The following CSF1R variants were observed in gnomAD, a reference collection of about 807,000 sequenced individuals.
CSF1R encodes the protein macrophage colony-stimulating factor 1 receptor.
CSF1R carries 40 observed loss-of-function variants against 110.0 expected under a neutral mutation model. That is an observed-to-expected ratio of 0.36 (90% CI 0.28 to 0.47). The LOEUF is 0.47. CSF1R is among the 20% of genes least tolerant of loss of function. The pLI, the probability that CSF1R is intolerant of heterozygous loss-of-function variation, is 0.99. For synonymous variants in CSF1R, 523 were observed against 503.4 expected (o/e 1.04, Z -0.52); for missense variants, 1,052 against 1,253.0 (o/e 0.84, Z 2.42).
At chr5:150,107,230 T>C (rs1051506732) in intron 1 of CSF1R, among the ~76,000 whole-genome samples, 1 of 152,264 alleles carries the variant, frequency 6.6e-6, no homozygotes, top group Non-Finnish European at 1.5e-5. Flanking sequence ...CTTTCCTGCA[T>C]GCAGGGACCT....
chr5:150,108,753 G>C (rs1159583813), intron 1 of CSF1R, among the ~76,000 whole-genome samples: 1 of 152,198 alleles, frequency 6.6e-6, no homozygotes, highest in Non-Finnish European at 1.5e-5. Context: ...TCTGCAAAGG[G>C]GAGCTGGGCA....
intron 6 of CSF1R, among the ~76,000 whole-genome samples, chr5:150,071,715 C>T (rs1360784546): frequency 6.6e-6 from 1 of 152,126 alleles, no homozygotes; most frequent in Non-Finnish European, 1.5e-5. Context: ...TGTTCCTTTC[C>T]TCAATGTCTC....
chr5:150,105,361 A>ATAT (rs35307075), intron 1 of CSF1R, among the ~76,000 whole-genome samples: 17 of 96,444 alleles, frequency 1.8e-4, no homozygotes, highest in East Asian at 1.6e-3. Flanking sequence ...AAAAAAAAAA[A>ATAT]AAATATATAT....
Position 150,080,990 on chromosome 5 carries a change from A to C in CSF1R, c.84T>G (p.Pro28=). 6 of 1,613,442 alleles carry C rather than the reference A, an allele frequency of 3.7e-6. No individual in the cohort carries two copies. Among genetic ancestry groups the C allele is most frequent in the Non-Finnish European group, 4.2e-6 (5 of 1,179,586 alleles). The change falls in exon 2 of 21, where the codon CCT becomes CCG. Residue 28 remains proline, a synonymous_variant. Transcript: ENST00000675795. ...QGIPVIEPSV[P]ELVVKPGATV... The stretch of plus-strand genomic sequence containing the variant: ...TTGCTCCTGGCTTCACGACCAGCTC[A>C]GGGACACTGGGCTCTATCACTGGGA...
intron 14 of CSF1R, 64 bp from the exon 15 acceptor site, chr5:150,057,656 C>G: frequency 8.2e-7 from 1 of 1,223,958 alleles, no homozygotes; most frequent in Non-Finnish European, 1.2e-6. Context: ...TCAGCTCAGG[C>G]CTTGACCACC....
chr5:150,068,309 T>A lies in CSF1R; in HGVS notation c.1532A>T (p.Asp511Val). The change falls in exon 10 of 21, where the codon GAT becomes GTT. Residue 511 changes from aspartate (D) to valine (V), a missense_variant. Asp to Val is a radical substitution (Grantham distance 152, BLOSUM62 -3). Around this residue, in one of 5 missense-constraint regions of CSF1R, gnomAD observed 693 missense variants for 735.4 expected, o/e 0.94. Transcript: ENST00000675795. ...CACCACTGGTGTGAAGAGGAACTCA[T>A]CCGGGGGATGCGTGTGGGCTCCTGG... is the stretch of plus-strand genomic sequence containing the variant. ...ISAGAHTHPP[D>V]EFLFTPVVVA... The A allele has an allele frequency of 6.2e-7, 1 of 1,612,820 alleles. No homozygotes were observed. The highest frequency in any genetic ancestry group is 8.5e-7 in the Non-Finnish European group (1 of 1,179,800).
At chr5:150,061,436 C>T in intron 12 of CSF1R, 55 bp downstream of exon 12, 1 of 938,716 alleles carries the variant, frequency 1.1e-6, no homozygotes. Context: ...AGGGCCAGCC[C>T]ACCCCCAGCA....
chr5:150,094,452 T>C, intron 1 of CSF1R: 1 of 1,597,996 alleles, frequency 6.3e-7, no homozygotes, highest in South Asian at 1.1e-5. Context: ...GAAGCTTATC[T>C]ATGAAAAAGC....
At chr5:150,063,412 G>A (rs910462339) in intron 10 of CSF1R, among the ~76,000 whole-genome samples, 3 of 151,864 alleles carry the variant, frequency 2.0e-5, no homozygotes, top group African/African-American at 7.3e-5. Context: ...GCAGTGGCAC[G>A]ATCATAGCTC....
rs567838800 is a variant in CSF1R, at chr5:150,079,105, G to A, written c.593-857C>T. On this transcript the variant is annotated intron_variant, in intron 3 of 20. Transcript: ENST00000675795. ...CTAATCCAGATTCCTAAGGCCCAGG[G>A]ACATGAAAGGACTCACCCAAGGTCC... is the stretch of plus-strand genomic sequence containing the variant. Among the ~76,000 whole-genome samples, 10 of 152,358 alleles carry A rather than the reference G, an allele frequency of 6.6e-5. No individual in the cohort carries two copies. In the South Asian group the frequency reaches 2.1e-3, roughly 32 times the overall value.
intron 12 of CSF1R, 116 bp downstream of exon 12, chr5:150,061,375 G>T: frequency 1.1e-6 from 1 of 905,142 alleles, no homozygotes; most frequent in Non-Finnish European, 1.7e-6. Flanking sequence ...CCTGAGCTCT[G>T]TCCCCCAGGC....
chr5:150,063,346 G>A (rs752037322), intron 10 of CSF1R, among the ~76,000 whole-genome samples: 10 of 151,762 alleles, frequency 6.6e-5, no homozygotes, highest in African/African-American at 9.7e-5. Flanking sequence ...CAGGTGAGTC[G>A]CCATCTGACT....
chr5:150,087,793 G>A (rs1016643329), upstream of CSF1R, among the ~76,000 whole-genome samples: 1 of 151,614 alleles, frequency 6.6e-6, no homozygotes, highest in Non-Finnish European at 1.5e-5. Flanking sequence ...GAGTGCAGTA[G>A]TGTGATCTCG....
chr5:150,054,665 C>A, intron 19 of CSF1R: 1 of 501,748 alleles, frequency 2.0e-6, no homozygotes, highest in South Asian at 3.3e-5. Flanking sequence ...TTGGTATCCT[C>A]AGGGTAACTG....
intron 4 of CSF1R, 133 bp from the exon 5 acceptor site, chr5:150,077,568 G>A (rs1758323588): frequency 5.3e-6 from 5 of 939,856 alleles, no homozygotes; most frequent in Non-Finnish European, 8.2e-6. Context: ...GTAAAATGGG[G>A]CTAATACTGG....
At chr5:150,081,670 A>G (rs1159704677) in intron 1 of CSF1R, among the ~76,000 whole-genome samples, 1 of 152,170 alleles carries the variant, frequency 6.6e-6, no homozygotes, top group Admixed American at 6.5e-5. Flanking sequence ...AATGCATGGG[A>G]AGACTTTAGA....
chr5:150,072,331 T>C (rs1210553691), intron 6 of CSF1R, among the ~76,000 whole-genome samples: 1 of 151,926 alleles, frequency 6.6e-6, no homozygotes, highest in Non-Finnish European at 1.5e-5. Context: ...CTGTCTCTAC[T>C]AAAAATACAA....
intron 1 of CSF1R, among the ~76,000 whole-genome samples, chr5:150,081,416 CAAAT>C (rs1227656299): frequency 2.0e-5 from 3 of 152,040 alleles, no homozygotes; most frequent in South Asian, 4.2e-4. Context: ...AATGAAGAAA[CAAAT>C]GAATGGAATG....
At chr5:150,078,458 T>C (rs747584153) in intron 3 of CSF1R, among the ~76,000 whole-genome samples, 2 of 151,984 alleles carry the variant, frequency 1.3e-5, no homozygotes, top group Non-Finnish European at 2.9e-5. Context: ...CTCCATCACC[T>C]CTACCCCTCC....
Sources: gnomAD v4.1 joint callset for allele counts (sites outside exome capture counted in the v4.1 genomes callset) on GRCh38, gnomAD v4.1.1 for gene constraint, gnomAD v4.1.1 regional missense constraint, MANE v1.5 for transcripts, NCBI Gene and HGNC (gene_info 2026-07-23, HGNC 2026-07-21) for gene names.